CTNNA3: variants seen among roughly 807,000 people sequenced by gnomAD.
CTNNA3 encodes catenin alpha-3.
Under a neutral mutation model 95.7 loss-of-function variants are expected in CTNNA3, and 76 were observed. That is an observed-to-expected ratio of 0.79 (90% confidence interval 0.66 to 0.96). The LOEUF (loss-of-function observed/expected upper bound fraction) is 0.96, where lower values mean the gene tolerates loss of function less well. CTNNA3 is among the 40% of genes least tolerant of loss of function. The pLI, the probability that CTNNA3 is intolerant of heterozygous loss-of-function variation, is 0.00. For synonymous variants in CTNNA3, 431 were observed against 374.4 expected (o/e 1.15, Z -1.74); for missense variants, 1,191 against 1,089.8 (o/e 1.09, Z -1.31).
chr10:66,087,485 A>G (rs2081031822), intron 14 of CTNNA3, among the ~76,000 whole-genome samples: 1 of 152,074 alleles, frequency 6.6e-6, no homozygotes, highest in Non-Finnish European at 1.5e-5. Flanking sequence ...GGCAGCTACT[A>G]CAACAAAGAA....
chr10:66,165,757 A>G (rs929480465), intron 13 of CTNNA3, among the ~76,000 whole-genome samples: 1 of 149,688 alleles, frequency 6.7e-6, no homozygotes, highest in Non-Finnish European at 1.5e-5. Flanking sequence ...AATACAATTT[A>G]TTTATTTATT....
At chr10:67,208,838 A>C (rs1253956802) in intron 6 of CTNNA3, among the ~76,000 whole-genome samples, 3 of 152,178 alleles carry the variant, frequency 2.0e-5, no homozygotes, top group Non-Finnish European at 4.4e-5. Context: ...TCTAGACATG[A>C]ATAAAATTAT....
At chr10:66,122,761 G>A (rs544311191) in intron 13 of CTNNA3, among the ~76,000 whole-genome samples, 70 of 152,320 alleles carry the variant, frequency 4.6e-4, no homozygotes, top group African/African-American at 1.5e-3. Flanking sequence ...GCAATGAGAA[G>A]CAAGTCACAT....
In CTNNA3 at chr10:67,504,799, C is replaced by T. The variant is rs150642119; in HGVS notation, c.579+17043G>A. On this transcript the variant is annotated intron_variant, in intron 5 of 17. Transcript: ENST00000433211. ...AGTTATTTACTCTCTGTTTTTAAGA[C>T]AAAAATGTTTCCTGATAGATTTCAA... Among the ~76,000 whole-genome samples, 360 of 152,228 alleles carry T rather than the reference C, an allele frequency of 2.4e-3. 4 individuals are homozygous for T. Among genetic ancestry groups the T allele is most frequent in the African/African-American group, 8.1e-3 (336 of 41,544 alleles).
At chr10:67,078,313 G>A (rs1856840983) in intron 7 of CTNNA3, among the ~76,000 whole-genome samples, 2 of 152,072 alleles carry the variant, frequency 1.3e-5, no homozygotes, top group Admixed American at 1.3e-4. Flanking sequence ...AACTGGCCAA[G>A]GTACAGTGTC....
intron 11 of CTNNA3, among the ~76,000 whole-genome samples, chr10:66,382,370 G>T (rs1227203166): frequency 6.6e-6 from 1 of 152,182 alleles, no homozygotes; most frequent in East Asian, 1.9e-4. Context: ...CGGCAGCCTG[G>T]CTGGGGAAGG....
chr10:66,071,375 CA>C (rs2080430110), intron 14 of CTNNA3, among the ~76,000 whole-genome samples: 1 of 25,052 alleles, frequency 4.0e-5, no homozygotes, highest in African/African-American at 1.2e-4. Flanking sequence ...AATGTGTTAC[CA>C]AACACAAGAA....
rs548008926 is a variant in CTNNA3 at position 66,470,262 on chromosome 10, C to T, written c.1531+50355G>A. Among the ~76,000 whole-genome samples the T allele has an allele frequency of 2.0e-4, 30 of 151,816 alleles. No individual in the cohort carries two copies. The South Asian group carries it at 5.8e-3, about 29-fold the overall frequency. Reference sequence around the variant, plus strand: ...TAATCTGTAAATTAAGAGACAAGGCCATCTGTCAAACATGAAAGGGGAACG... The same window carrying T: ...TAATCTGTAAATTAAGAGACAAGGCTATCTGTCAAACATGAAAGGGGAACG... On this transcript the variant is annotated intron_variant, in intron 11 of 17. Coordinates refer to ENST00000433211, the MANE Select transcript of CTNNA3 (RefSeq NM_013266.4).
At chr10:66,217,010 AACC>A (rs1260856093) in intron 13 of CTNNA3, among the ~76,000 whole-genome samples, 2 of 152,160 alleles carry the variant, frequency 1.3e-5, no homozygotes, top group Non-Finnish European at 2.9e-5. Flanking sequence ...AAACCCTGAT[AACC>A]ACTTACTTGT....
At chr10:66,215,890 C>A (rs1045413450) in intron 13 of CTNNA3, among the ~76,000 whole-genome samples, 1 of 152,226 alleles carries the variant, frequency 6.6e-6, no homozygotes, top group Non-Finnish European at 1.5e-5. Flanking sequence ...TTCACTGTCT[C>A]CCTCTGCTTC....
At position 67,521,837 on chromosome 10, in the gene CTNNA3, C is replaced by T; in HGVS notation, c.579+5G>A. On this transcript the variant is annotated splice_donor_5th_base_variant and intron_variant, in intron 5 of 17. Transcript: ENST00000433211. ...TCCTCCACCAAGGAGAGCTCTGACT[C>T]CTACCTGCTGACGTTTGAAGGCTAA... 1.9e-6 allele frequency: 3 copies of T among 1,613,192 alleles called. No individual in the cohort carries two copies. The highest frequency in any genetic ancestry group is 2.5e-6 in the Non-Finnish European group (3 of 1,179,470).
At chr10:66,435,304 A>C (rs2131764879) in intron 11 of CTNNA3, among the ~76,000 whole-genome samples, 1 of 152,116 alleles carries the variant, frequency 6.6e-6, no homozygotes, top group South Asian at 2.1e-4. Flanking sequence ...GTAAGCTATT[A>C]ATTACTGCCT....
intron 15 of CTNNA3, among the ~76,000 whole-genome samples, chr10:66,034,800 A>G (rs533123563): frequency 6.0e-4 from 91 of 152,350 alleles, no homozygotes; most frequent in African/African-American, 2.2e-3. Context: ...ACCCGTAAGC[A>G]AAACAAGAAC....
intron 13 of CTNNA3, among the ~76,000 whole-genome samples, chr10:66,145,752 T>C (rs767322584): frequency 1.1e-4 from 17 of 152,176 alleles, no homozygotes; most frequent in Non-Finnish European, 2.2e-4. Flanking sequence ...GTTTTTTATT[T>C]TTTTTCATAA....
At chr10:67,356,600 C>A (rs1050572393) in intron 5 of CTNNA3, among the ~76,000 whole-genome samples, 1 of 152,030 alleles carries the variant, frequency 6.6e-6, no homozygotes, top group Non-Finnish European at 1.5e-5. Context: ...AACAGCAGCC[C>A]TCCATGACCT....
chr10:66,787,899 C>T (rs923645304), intron 7 of CTNNA3, among the ~76,000 whole-genome samples: 5 of 152,130 alleles, frequency 3.3e-5, no homozygotes, highest in Non-Finnish European at 5.9e-5. Context: ...CTGGAGAACA[C>T]CCATGTATCT....
chr10:66,620,473 A>G (rs1460261654), intron 10 of CTNNA3, among the ~76,000 whole-genome samples: 3 of 152,222 alleles, frequency 2.0e-5, no homozygotes, highest in African/African-American at 7.2e-5. Context: ...AAAATTACAC[A>G]TTAAAACCAA....
At chr10:66,597,957 T>C (rs1843782457) in intron 10 of CTNNA3, among the ~76,000 whole-genome samples, 1 of 151,970 alleles carries the variant, frequency 6.6e-6, no homozygotes. Context: ...TACACCGCTA[T>C]TAGACACCGT....
intron 4 of CTNNA3, among the ~76,000 whole-genome samples, chr10:67,532,082 T>C (rs1387944445): frequency 1.3e-5 from 2 of 152,156 alleles, no homozygotes; most frequent in African/African-American, 4.8e-5. Context: ...ACCTCTTTCT[T>C]TTGTAAATTG....
Sources: allele counts gnomAD v4.1 joint callset (sites outside exome capture counted in the v4.1 genomes callset), GRCh38; gene constraint gnomAD v4.1.1; transcripts MANE v1.5; gene names NCBI Gene and HGNC (gene_info 2026-07-23, HGNC 2026-07-21).